CAMTA1: variants seen among roughly 807,000 people sequenced by gnomAD.
The protein encoded by CAMTA1 is calmodulin-binding transcription activator 1.
A neutral mutation model predicts 170.9 loss-of-function variants in CAMTA1; 27 were observed. The observed-to-expected ratio is 0.16, with a 90% confidence interval of 0.12 to 0.22. The LOEUF (loss-of-function observed/expected upper bound fraction) is 0.22, where lower values mean the gene tolerates loss of function less well. Among genes scored for constraint, CAMTA1 ranks in the 10% least tolerant of loss-of-function variants. The pLI, the probability that CAMTA1 is intolerant of heterozygous loss-of-function variation, is 1.00. For missense variants in CAMTA1, 1,619 were observed against 2,217.2 expected, an observed-to-expected ratio of 0.73 and a Z score of 5.42; for synonymous variants, 833 against 891.5, an observed-to-expected ratio of 0.93 and a Z score of 1.17.
chr1:7,534,870 G>A lies in CAMTA1; in HGVS notation c.510+66969G>A, dbSNP rs1156741116. ...CCTTGGGGCCAGAGGAAGTGGGTTT[G>A]CCTTTTGCCTGGTACAGATGACTCT... On this transcript the variant is annotated intron_variant, in intron 6 of 22. Coordinates refer to ENST00000303635, the MANE Select transcript of CAMTA1 (RefSeq NM_015215.4). This position sits in a 1 kb window ranked among gnomAD's most constrained non-coding sequence, Gnocchi z 5.6. 6.6e-6 allele frequency among the ~76,000 whole-genome samples: 1 copy of A among 152,150 alleles called. No individual in the cohort carries two copies. Among genetic ancestry groups the A allele is most frequent in the East Asian group, 1.9e-4 (1 of 5,196 alleles).
intron 5 of CAMTA1, among the ~76,000 whole-genome samples, chr1:7,312,181 C>G (rs189102356): frequency 6.6e-6 from 1 of 152,154 alleles, no homozygotes; most frequent in Admixed American, 6.5e-5. Context: ...TCCTTGGGAT[C>G]AAAGGTCTAA....
intron 6 of CAMTA1, among the ~76,000 whole-genome samples, chr1:7,500,623 T>C (rs575887691): frequency 1.5e-4 from 23 of 152,246 alleles, no homozygotes; most frequent in African/African-American, 5.3e-4. Flanking sequence ...AGCAGCAGCC[T>C]CCTCTCAAGG....
intron 5 of CAMTA1, among the ~76,000 whole-genome samples, chr1:7,316,800 C>T (rs76774671): frequency 0.019 from 2,895 of 152,212 alleles, 41 homozygotes; most frequent in Admixed American, 0.037. Flanking sequence ...GAGGAAGATG[C>T]TCTGGGGGAG....
At chr1:7,714,500 A>G (rs1393627943) in intron 11 of CAMTA1, among the ~76,000 whole-genome samples, 1 of 152,144 alleles carries the variant, frequency 6.6e-6, no homozygotes, top group African/African-American at 2.4e-5. Flanking sequence ...TGTCGCAAGG[A>G]TGTTGAAATC....
At chr1:6,865,362 G>C (rs1666231437) in intron 3 of CAMTA1, among the ~76,000 whole-genome samples, 1 of 152,144 alleles carries the variant, frequency 6.6e-6, no homozygotes, top group South Asian at 2.1e-4. Context: ...GGTCTGCCAG[G>C]CCTAGTGCAG....
Position 7,748,260 on chromosome 1 carries a change from AAC to A in CAMTA1, c.4689+481_4689+482del, listed in dbSNP as rs1362745443. ...GATAAAACAAACAAACAAACAAACA[AAC>A]AAACAAACAAAAACAGGGGAAGCCA... On this transcript the variant is annotated intron_variant, in intron 19 of 22. Coordinates refer to ENST00000303635, the MANE Select transcript of CAMTA1 (RefSeq NM_015215.4). The surrounding 1 kb of genome is among the most constrained non-coding windows in gnomAD (Gnocchi z 4.7). Among the ~76,000 whole-genome samples the A allele has an allele frequency of 6.6e-5, 10 of 151,236 alleles. No homozygotes were observed. The highest frequency in any genetic ancestry group is 4.2e-4 in the South Asian group (2 of 4,788).
In CAMTA1 at chr1:7,306,383, GA is replaced by G. The variant is rs541627359; in HGVS notation, c.438+56766del. ...TCTTATTGTTCTAATACCACTTATT[GA>G]AAAAAAAATCTTCTCCATTGAATTT... On this transcript the variant is annotated intron_variant, in intron 5 of 22. Transcript: ENST00000303635. Among the ~76,000 whole-genome samples the G allele has an allele frequency of 8.3e-3, 1,247 of 150,218 alleles. 10 individuals carry two copies. Among genetic ancestry groups the G allele is most frequent in the Non-Finnish European group, 0.013 (870 of 67,308 alleles).
At chr1:7,502,463 GTGTT>G (rs770790825) in intron 6 of CAMTA1, among the ~76,000 whole-genome samples, 87 of 152,356 alleles carry the variant, frequency 5.7e-4, no homozygotes, top group Admixed American at 2.7e-3. Context: ...CGAATTCCAA[GTGTT>G]TGTTTGGTCC....
intron 6 of CAMTA1, among the ~76,000 whole-genome samples, chr1:7,536,225 C>T (rs562067106): frequency 6.6e-6 from 1 of 152,300 alleles, no homozygotes; most frequent in Non-Finnish European, 1.5e-5. Flanking sequence ...TTTCCCCACC[C>T]CTTGCAGTCT....
chr1:7,127,422 C>A (rs1401175058), intron 4 of CAMTA1, among the ~76,000 whole-genome samples: 1 of 151,958 alleles, frequency 6.6e-6, no homozygotes, highest in Non-Finnish European at 1.5e-5. Context: ...GTCTCTTCAT[C>A]TGCACTGTTA....
At chr1:6,790,375 AGTGTGTGTGT>A (rs370868840) in intron 1 of CAMTA1, among the ~76,000 whole-genome samples, 14 of 139,128 alleles carry the variant, frequency 1.0e-4, no homozygotes, top group Admixed American at 2.2e-4. Flanking sequence ...AGAGAGAGAG[AGTGTGTGTGT>A]GTGTGTGTGT....
At chr1:7,369,336 C>G (rs560889899) in intron 5 of CAMTA1, among the ~76,000 whole-genome samples, 8 of 152,240 alleles carry the variant, frequency 5.3e-5, no homozygotes, top group African/African-American at 1.9e-4. Flanking sequence ...ACTTGAGGTG[C>G]CCTAATGAGT....
intron 3 of CAMTA1, among the ~76,000 whole-genome samples, chr1:7,023,975 G>A (rs2100992953): frequency 6.8e-6 from 1 of 147,998 alleles, no homozygotes; most frequent in South Asian, 2.1e-4. Context: ...CTTGCAGTGA[G>A]CCAAGATTGC....
At chr1:6,991,784 C>G (rs1375590154) in intron 3 of CAMTA1, among the ~76,000 whole-genome samples, 1 of 151,896 alleles carries the variant, frequency 6.6e-6, no homozygotes, top group Non-Finnish European at 1.5e-5. Flanking sequence ...CTGCAGTCTC[C>G]CCTTCCTGGG....
At chr1:6,926,736 CT>C (rs973703132) in intron 3 of CAMTA1, among the ~76,000 whole-genome samples, 200 of 132,268 alleles carry the variant, frequency 1.5e-3, no homozygotes, top group Admixed American at 2.0e-3. Context: ...TTCTTTCTTT[CT>C]TTTTTTTTTT....
intron 3 of CAMTA1, among the ~76,000 whole-genome samples, chr1:7,013,140 G>A (rs1405640841): frequency 2.0e-5 from 3 of 150,380 alleles, no homozygotes; most frequent in Admixed American, 2.0e-4. Flanking sequence ...CCTCCTCCGT[G>A]CCAGCACTTC....
chr1:7,102,499 TAGG>T (rs1271927249), intron 4 of CAMTA1, among the ~76,000 whole-genome samples: 1 of 152,132 alleles, frequency 6.6e-6, no homozygotes, highest in Non-Finnish European at 1.5e-5. Flanking sequence ...AGCTGGTGCC[TAGG>T]CCGAGGGATC....
intron 10 of CAMTA1, among the ~76,000 whole-genome samples, chr1:7,671,387 G>C (rs1169101048): frequency 6.6e-6 from 1 of 152,220 alleles, no homozygotes; most frequent in Non-Finnish European, 1.5e-5. Flanking sequence ...GAGCTGGTAA[G>C]AGCTGGGGCC....
intron 6 of CAMTA1, among the ~76,000 whole-genome samples, chr1:7,581,977 T>C (rs890117605): frequency 1.2e-4 from 18 of 152,220 alleles, no homozygotes; most frequent in Non-Finnish European, 2.5e-4. Context: ...GATATTCGTG[T>C]GCCGGCGAAG....
Sources: allele counts gnomAD v4.1 joint callset (sites outside exome capture counted in the v4.1 genomes callset), GRCh38; gene constraint gnomAD v4.1.1; non-coding constraint Gnocchi (gnomAD v3.1); transcripts MANE v1.5; gene names NCBI Gene and HGNC (gene_info 2026-07-23, HGNC 2026-07-21).